The following ROGDI variants were observed in gnomAD, a reference collection of about 807,000 sequenced individuals.
ROGDI encodes protein rogdi homolog.
In ROGDI, 46 loss-of-function variants were observed where a neutral mutation model predicts 43.1. That is an observed-to-expected ratio of 1.07 (90% CI 0.84 to 1.37). The LOEUF (loss-of-function observed/expected upper bound fraction) is 1.37, where lower values mean the gene tolerates loss of function less well. ROGDI is among the 40% of genes most tolerant of loss of function. ROGDI has a pLI of 0.00. For synonymous variants in ROGDI, 243 were observed against 162.0 expected (o/e 1.50, Z -3.80); for missense variants, 518 against 383.9 (o/e 1.35, Z -2.92).
At chr16:4,801,133 T>A (rs1228520163) in intron 4 of ROGDI, 134 bp downstream of exon 4, 7 of 679,046 alleles carry the variant, frequency 1.0e-5, no homozygotes, top group Non-Finnish European at 1.4e-5. Flanking sequence ...GCTGTCATTT[T>A]CCAAAGGAGA....
rs376839753 is a variant in ROGDI, at chr16:4,802,414, C to A, written c.85G>T (p.Ala29Ser). 6.5e-7 allele frequency: 1 copy of A among 1,533,614 alleles called. No individual in the cohort carries two copies. ...FRWLLHDEVHAVLKQLQDILK... is the reference protein window; with the variant it reads ...FRWLLHDEVHSVLKQLQDILK... The stretch of plus-strand genomic sequence containing the variant: ...ATGTCCTGCAGCTGCTTCAACACAG[C>A]GTGCACCTCGTCGTGCAGCAGCCAG... The change falls in exon 2 of 11, where the codon GCT becomes TCT. Residue 29 changes from alanine to serine, a missense_variant. By Grantham distance (99) the Ala-to-Ser change is moderately conservative (BLOSUM62 1). Transcript: ENST00000322048.
rs1273592198 is a variant in ROGDI at position 4,798,191 on chromosome 16, G to A, written c.532-7C>T. 8 of 1,610,886 alleles carry A rather than the reference G, an allele frequency of 5.0e-6. No individual in the cohort carries two copies. In the African/African-American group the frequency reaches 8.0e-5, roughly 16 times the overall value. On this transcript the variant is annotated splice_region_variant and splice_polypyrimidine_tract_variant and intron_variant, in intron 7 of 10. Transcript: ENST00000322048. Reference sequence around the variant, plus strand: ...GGGCAGGGGCGAACATCCGCTGCGGGAGGCAGGTGGGATGAGGCCCTCGCA... The same window carrying A: ...GGGCAGGGGCGAACATCCGCTGCGGAAGGCAGGTGGGATGAGGCCCTCGCA...
Position 4,801,270 on chromosome 16 carries a change from C to A in ROGDI, c.252G>T (p.Gln84His). ...VLTLQGDALS[Q>H]ADVNLKMPRN... ...GGGACAGGGCCGGGGGACTCACCGC[C>A]TGGCTGAGGGCATCCCCCTGCAGAG... The change falls in exon 4 of 11, where the codon CAG becomes CAT. Residue 84 changes from glutamine (Q) to histidine (H), a missense_variant. By Grantham distance (24) the Gln-to-His change is conservative (BLOSUM62 0). Coordinates refer to ENST00000322048, the MANE Select transcript of ROGDI (RefSeq NM_024589.3). 6.2e-7 allele frequency: 1 copy of A among 1,605,942 alleles called. No homozygotes were observed. Among genetic ancestry groups the A allele is most frequent in the Non-Finnish European group, 8.5e-7 (1 of 1,174,728 alleles).
chr16:4,801,177 A>T (rs1388445457), intron 4 of ROGDI, 90 bp downstream of exon 4: 1 of 1,092,180 alleles, frequency 9.2e-7, no homozygotes. Context: ...GGTCCCGCCC[A>T]GAGTCGCAGG....
Position 4,802,567 on chromosome 16 carries a change from G to A in ROGDI, c.5C>T (p.Ala2Val), listed in dbSNP as rs2082747617. 3 of 1,302,826 alleles carry A rather than the reference G, an allele frequency of 2.3e-6. No homozygotes were observed. The highest frequency in any genetic ancestry group is 2.1e-5 in the South Asian group (1 of 47,372). 80.7% of individuals were successfully genotyped at this position (1,302,826 alleles called of 1,614,324 possible). M[A>V]TVMAATAAER... ...CGCCGCCGTCGCTGCCATCACGGTG[G>A]CCATGGCCGCAGGCCGCCGCCGAGC... Residue 2 changes from alanine to valine, a missense_variant, in exon 1 of 11, where the codon GCC becomes GTC. Coordinates refer to ENST00000322048, the MANE Select transcript of ROGDI (RefSeq NM_024589.3).
rs1596273600 is a variant in ROGDI, at chr16:4,797,097, C to T, written c.*363G>A. 1 of 267,084 alleles carries T rather than the reference C, an allele frequency of 3.7e-6. No homozygotes were observed. The highest frequency in any genetic ancestry group is 2.2e-5 in the African/African-American group (1 of 45,728). 16.5% of individuals were successfully genotyped at this position (267,084 alleles called of 1,614,324 possible). Reference sequence around the variant, plus strand: ...CTCACCATCCCCGGGACTCATAGCTCAGTGCCACCCCCCGACACCATGCCC... The same window carrying T: ...CTCACCATCCCCGGGACTCATAGCTTAGTGCCACCCCCCGACACCATGCCC... On this transcript the variant is annotated 3_prime_UTR_variant, in exon 11 of 11. Coordinates refer to ENST00000322048, the MANE Select transcript of ROGDI (RefSeq NM_024589.3).
intron 4 of ROGDI, 72 bp downstream of exon 4, chr16:4,801,195 C>G (rs2082711063): frequency 7.5e-7 from 1 of 1,335,166 alleles, no homozygotes; most frequent in Non-Finnish European, 1.0e-6. Context: ...AGGGCTTGTA[C>G]AGAGAGAAAG....
chr16:4,802,483 GC>G, intron 1 of ROGDI, 30 bp from the exon 2 acceptor site: 1 of 1,211,246 alleles, frequency 8.3e-7, no homozygotes, highest in Non-Finnish European at 1.0e-6. Flanking sequence ...GTCGCGCCCG[GC>G]CCCGCCGCCC....
In ROGDI at chr16:4,800,555, C is replaced by G. The variant is rs944655165; in HGVS notation, c.279G>C (p.Arg93=). 5.1e-6 allele frequency: 8 copies of G among 1,568,492 alleles called. No homozygotes were observed. The highest frequency in any genetic ancestry group is 6.9e-6 in the Non-Finnish European group (8 of 1,156,000). ...AGGCGAAGTGCAGCAGCTGGTTGTTCCGGGGCATCTTCAGGTTCACATCCT... is the reference window on the plus strand; with the variant it reads ...AGGCGAAGTGCAGCAGCTGGTTGTTGCGGGGCATCTTCAGGTTCACATCCT... ...SQADVNLKMP[R]NNQLLHFAFR... Residue 93 remains arginine, a synonymous_variant, in exon 5 of 11, where the codon CGG becomes CGC. Coordinates refer to ENST00000322048, the MANE Select transcript of ROGDI (RefSeq NM_024589.3).
In ROGDI at chr16:4,801,311, C is replaced by T. The variant is rs751253265; in HGVS notation, c.211G>A (p.Val71Met). The stretch of plus-strand genomic sequence containing the variant: ...CCCTGCAGAGTCAGCACACCCTTCA[C>T]CTGGTCTGTGCTGTAACATGTGGCG... ...FILGSCGTDQ[V>M]KGVLTLQGDA... The change falls in exon 4 of 11, where the codon GTG becomes ATG. Residue 71 changes from valine to methionine, a missense_variant. By Grantham distance (21) the Val-to-Met change is conservative. Coordinates refer to ENST00000322048, the MANE Select transcript of ROGDI (RefSeq NM_024589.3). 1.2e-6 allele frequency: 2 copies of T among 1,609,114 alleles called. No homozygotes were observed. The highest frequency in any genetic ancestry group is 1.7e-5 in the Admixed American group (1 of 59,700).
In ROGDI at chr16:4,797,706, G is replaced by A. The variant is rs376868221; in HGVS notation, c.822+8C>T. The stretch of plus-strand genomic sequence containing the variant: ...TTCCCCTAATGAAGGCGCTCGGCCC[G>A]GGCCCACCTTGTCCTTGAGCTGCTG... On this transcript the variant is annotated splice_region_variant and intron_variant, in intron 10 of 10. Coordinates refer to ENST00000322048, the MANE Select transcript of ROGDI (RefSeq NM_024589.3). The A allele has an allele frequency of 1.0e-4, 125 of 1,225,456 alleles. No individual in the cohort carries two copies. In the African/African-American group the frequency reaches 2.8e-3, roughly 27 times the overall value. The allele number at this position is 1,225,456 out of a possible 1,614,324, so 75.9% of individuals were successfully genotyped here.
intron 6 of ROGDI, 163 bp from the exon 7 acceptor site, chr16:4,798,830 C>G (rs1160814041): frequency 9.5e-6 from 6 of 629,670 alleles, no homozygotes; most frequent in Non-Finnish European, 1.4e-5. Context: ...TGGGCTCCAG[C>G]TGGGTATGGA....
At position 4,801,485 on chromosome 16, in the gene ROGDI, C is replaced by T. The variant is rs1220980320; in HGVS notation, c.200+18G>A. 1.9e-6 allele frequency: 3 copies of T among 1,595,128 alleles called. No homozygotes were observed. The highest frequency in any genetic ancestry group is 1.3e-5 in the African/African-American group (1 of 74,794). On this transcript the variant is annotated intron_variant, in intron 3 of 10. Coordinates refer to ENST00000322048, the MANE Select transcript of ROGDI (RefSeq NM_024589.3). ...CCAAGGTACCCATTTCCCCGGTTTC[C>T]GCCTAGCCCAGGCTCACCCACAGCT... is the stretch of plus-strand genomic sequence containing the variant.
At chr16:4,800,601 G>C in intron 4 of ROGDI, 23 bp from the exon 5 acceptor site, 1 of 1,543,846 alleles carries the variant, frequency 6.5e-7, no homozygotes, top group South Asian at 1.2e-5. Context: ...AGTGGGGTGA[G>C]CTGGGCAGTG....
rs201116642 is a variant in ROGDI, at chr16:4,798,132, T to A, written c.584A>T (p.Asn195Ile). ...PSDLLVNVYINLNKLCLTVYQ... is the reference protein window; with the variant it reads ...PSDLLVNVYIILNKLCLTVYQ... ...CACCGTGAGGCAGAGCTTGTTGAGG[T>A]TGATGTAGACGTTGACCAGCAGGTC... The change falls in exon 8 of 11, where the codon AAC becomes ATC. Residue 195 changes from asparagine to isoleucine, a missense_variant. Physicochemically the swap from Asn to Ile is moderately radical, Grantham distance 149. Coordinates refer to ENST00000322048, the MANE Select transcript of ROGDI (RefSeq NM_024589.3). 2.5e-6 allele frequency: 4 copies of A among 1,613,728 alleles called. No homozygotes were observed. In the African/African-American group the frequency reaches 5.3e-5, roughly 22 times the overall value.
chr16:4,801,533 T>C lies in ROGDI; in HGVS notation c.170A>G (p.Lys57Arg). 6.2e-7 allele frequency: 1 copy of C among 1,607,272 alleles called. No homozygotes were observed. Among genetic ancestry groups the C allele is most frequent in the Non-Finnish European group, 8.5e-7 (1 of 1,177,110 alleles). The change falls in exon 3 of 11, where the codon AAG (lysine) becomes AGG (arginine). Residue 57 changes from lysine (K) to arginine (R), a missense_variant. Transcript: ENST00000322048. ...LPGSGTEGPA[K>R]QENFILGSCG... ...GCTGCCTAGGATGAAGTTCTCTTGC[T>C]TGGCGGGCCCCTCAGTGCCGGAGCC...
intron 4 of ROGDI, 101 bp downstream of exon 4, chr16:4,801,166 G>C: frequency 1.0e-6 from 1 of 958,328 alleles, no homozygotes; most frequent in Non-Finnish European, 1.5e-6. Flanking sequence ...GAGAGATCAA[G>C]GGTCCCGCCC....
intron 7 of ROGDI, 30 bp from the exon 8 acceptor site, chr16:4,798,214 G>A (rs1167946988): frequency 3.8e-6 from 6 of 1,572,838 alleles, no homozygotes; most frequent in African/African-American, 2.7e-5. Context: ...TGAGGCCCTC[G>A]CAAGCCCCCA....
intron 6 of ROGDI, chr16:4,798,869 G>T: frequency 1.7e-6 from 1 of 579,326 alleles, no homozygotes; most frequent in East Asian, 3.0e-5. Context: ...ACTAATGTCA[G>T]TCGGGATGGG....
Sources: allele counts gnomAD v4.1 joint callset, GRCh38; gene constraint gnomAD v4.1.1; transcripts MANE v1.5; gene names NCBI Gene and HGNC (gene_info 2026-07-23, HGNC 2026-07-21).